Variants in SIPA1L2 observed in about 807,000 individuals in gnomAD.
SIPA1L2 encodes the protein signal induced proliferation associated 1 like 2.
Under a neutral mutation model 163.9 loss-of-function variants are expected in SIPA1L2, and 56 were observed. The ratio of observed to expected loss-of-function variants is 0.34; its 90% CI spans 0.28 to 0.43. The LOEUF is 0.43. SIPA1L2 is among the 20% of genes least tolerant of loss of function. The pLI is 1.00. For missense variants in SIPA1L2, 1,974 were observed against 2,193.5 expected (o/e 0.90, Z 2.00); for synonymous variants, 877 against 865.7 (o/e 1.01, Z -0.23).
chr1:232,615,982 G>A (rs1179574967), intron 1 of SIPA1L2, among the ~76,000 whole-genome samples: 3 of 152,132 alleles, frequency 2.0e-5, no homozygotes, highest in Non-Finnish European at 4.4e-5. Context: ...AGCTTTTCTC[G>A]ATAAATCCTC....
chr1:232,507,346 C>T (rs960924998), intron 3 of SIPA1L2, among the ~76,000 whole-genome samples: 9 of 152,156 alleles, frequency 5.9e-5, no homozygotes, highest in East Asian at 3.9e-4. Flanking sequence ...CATTCATAGC[C>T]GGGGTACAAG....
At chr1:232,630,235 C>T (rs1663321378), upstream of SIPA1L2, among the ~76,000 whole-genome samples, 1 of 151,794 alleles carries the variant, frequency 6.6e-6, no homozygotes, top group African/African-American at 2.4e-5. Flanking sequence ...CCCCTCGGCC[C>T]CGCCCCACGA....
chr1:232,418,338 C>T (rs917853137), intron 18 of SIPA1L2, among the ~76,000 whole-genome samples: 51 of 152,170 alleles, frequency 3.4e-4, no homozygotes, highest in African/African-American at 1.2e-3. Flanking sequence ...TCCCCTGGTC[C>T]CTCCTGCAGC....
intron 22 of SIPA1L2, among the ~76,000 whole-genome samples, chr1:232,400,163 G>A (rs1053071138): frequency 4.6e-5 from 7 of 152,126 alleles, no homozygotes; most frequent in African/African-American, 1.7e-4. Flanking sequence ...TCACTTTGCT[G>A]TAAGGAGCAA....
intron 6 of SIPA1L2, 85 bp from the exon 7 acceptor site, chr1:232,479,815 C>A (rs557732003): frequency 3.8e-5 from 41 of 1,076,926 alleles, no homozygotes; most frequent in Admixed American, 3.5e-4. Context: ...GTTGCAAAAA[C>A]AAAAAACAAA....
intron 1 of SIPA1L2, among the ~76,000 whole-genome samples, chr1:232,610,333 A>G (rs922921796): frequency 1.3e-5 from 2 of 152,094 alleles, no homozygotes; most frequent in East Asian, 1.9e-4. Flanking sequence ...GGAACAAGTC[A>G]CTGGTTGAGA....
At chr1:232,444,257 G>A (rs1187839067) in intron 11 of SIPA1L2, among the ~76,000 whole-genome samples, 1 of 151,752 alleles carries the variant, frequency 6.6e-6, no homozygotes, top group Non-Finnish European at 1.5e-5. Context: ...GAATACTTCT[G>A]GTTTTCTCCT....
chr1:232,545,617 C>T (rs1340077688), intron 2 of SIPA1L2, among the ~76,000 whole-genome samples: 1 of 152,180 alleles, frequency 6.6e-6, no homozygotes, highest in African/African-American at 2.4e-5. Flanking sequence ...GCTTTTTACT[C>T]TGATAAACAT....
intron 5 of SIPA1L2, among the ~76,000 whole-genome samples, chr1:232,488,325 C>A (rs544712628): frequency 6.6e-6 from 1 of 152,260 alleles, no homozygotes; most frequent in East Asian, 1.9e-4. Flanking sequence ...ATTGCCCCAT[C>A]CCTTCCTGGG....
intron 3 of SIPA1L2, among the ~76,000 whole-genome samples, chr1:232,503,583 C>A (rs1287762231): frequency 6.6e-6 from 1 of 151,896 alleles, no homozygotes; most frequent in Non-Finnish European, 1.5e-5. Context: ...TATAAGTACA[C>A]CAAGGCCACA....
At chr1:232,563,304 C>G (rs761797820) in intron 2 of SIPA1L2, among the ~76,000 whole-genome samples, 1 of 152,214 alleles carries the variant, frequency 6.6e-6, no homozygotes, top group Non-Finnish European at 1.5e-5. Flanking sequence ...ACCTCTTCAC[C>G]TGGATTCCTC....
chr1:232,475,437 C>CA (rs1342813299), intron 7 of SIPA1L2, among the ~76,000 whole-genome samples: 2 of 152,170 alleles, frequency 1.3e-5, no homozygotes, highest in African/African-American at 4.8e-5. Flanking sequence ...AAACTATACT[C>CA]AAGAGTTTGC....
At chr1:232,593,039 A>G (rs923323212) in intron 1 of SIPA1L2, among the ~76,000 whole-genome samples, 1 of 152,200 alleles carries the variant, frequency 6.6e-6, no homozygotes, top group African/African-American at 2.4e-5. Context: ...AACACACCCA[A>G]GTAAATCCAA....
chr1:232,439,976 A>G (rs1042979922), intron 14 of SIPA1L2, among the ~76,000 whole-genome samples: 1 of 152,232 alleles, frequency 6.6e-6, no homozygotes, highest in African/African-American at 2.4e-5. Flanking sequence ...TGTGCTTGTA[A>G]TACCGAGCTT....
At chr1:232,625,524 G>A (rs923443294) in intron 1 of SIPA1L2, among the ~76,000 whole-genome samples, 2 of 152,132 alleles carry the variant, frequency 1.3e-5, no homozygotes, top group Non-Finnish European at 2.9e-5. Flanking sequence ...TAACGGCTCG[G>A]CAGGTTTTAG....
At chr1:232,606,054 T>G (rs1235826903) in intron 1 of SIPA1L2, among the ~76,000 whole-genome samples, 1 of 152,234 alleles carries the variant, frequency 6.6e-6, no homozygotes, top group Non-Finnish European at 1.5e-5. Context: ...TAGGCATCTT[T>G]TGTAACAGCA....
intron 2 of SIPA1L2, among the ~76,000 whole-genome samples, chr1:232,520,317 G>A (rs1425667644): frequency 8.5e-5 from 13 of 152,236 alleles, no homozygotes; most frequent in Non-Finnish European, 1.5e-5. Flanking sequence ...CCCACAGGTA[G>A]TGGGGTGCCC....
At chr1:232,620,776 C>T (rs889739779) in intron 1 of SIPA1L2, among the ~76,000 whole-genome samples, 1 of 152,204 alleles carries the variant, frequency 6.6e-6, no homozygotes, top group Admixed American at 6.5e-5. Context: ...TATTTTGGAA[C>T]AGAGCCAGCT....
chr1:232,546,214 C>T (rs1351248459), intron 2 of SIPA1L2, among the ~76,000 whole-genome samples: 4 of 152,188 alleles, frequency 2.6e-5, no homozygotes, highest in East Asian at 1.9e-4. Context: ...ACAGCATAAC[C>T]GTACTTTTGC....
Sources: allele counts gnomAD v4.1 joint callset (sites outside exome capture counted in the v4.1 genomes callset), GRCh38; gene constraint gnomAD v4.1.1; transcripts MANE v1.5; gene names NCBI Gene and HGNC (gene_info 2026-07-23, HGNC 2026-07-21).